EBF1: variants seen among roughly 807,000 people sequenced by gnomAD.
EBF1 encodes the protein transcription factor COE1.
EBF1 carries 10 observed loss-of-function variants against 68.4 expected under a neutral mutation model. The observed-to-expected ratio is 0.15, with a 90% CI of 0.09 to 0.25. EBF1 has a LOEUF of 0.25. EBF1 is among the 10% of genes least tolerant of loss of function. The pLI is 1.00. For synonymous variants in EBF1, 298 were observed against 299.8 expected, an observed-to-expected ratio of 0.99 and a Z score of 0.06; for missense variants, 509 against 794.4, an observed-to-expected ratio of 0.64 and a Z score of 4.32.
intron 11 of EBF1, among the ~76,000 whole-genome samples, chr5:158,728,818 G>A (rs1370160915): frequency 6.6e-6 from 1 of 152,130 alleles, no homozygotes; most frequent in Non-Finnish European, 1.5e-5. Context: ...TCCCACCTCT[G>A]CTTCCCAAAT....
chr5:158,708,803 T>C (rs1325278128), intron 14 of EBF1, among the ~76,000 whole-genome samples: 1 of 152,174 alleles, frequency 6.6e-6, no homozygotes, highest in Admixed American at 6.5e-5. Flanking sequence ...CATGCAGCAT[T>C]TGTGAAAAAT....
At chr5:158,744,881 AG>A (rs551742051) in intron 10 of EBF1, among the ~76,000 whole-genome samples, 76 of 152,270 alleles carry the variant, frequency 5.0e-4, no homozygotes, top group African/African-American at 1.8e-3. Flanking sequence ...AGTGAAGATG[AG>A]GGGATTTCCA....
chr5:158,974,657 T>C (rs1756355832), intron 6 of EBF1, among the ~76,000 whole-genome samples: 1 of 152,206 alleles, frequency 6.6e-6, no homozygotes, highest in Admixed American at 6.5e-5. Flanking sequence ...ATGTGTGTAT[T>C]ATAAAAATGT....
intron 6 of EBF1, among the ~76,000 whole-genome samples, chr5:158,851,717 A>T (rs1286733320): frequency 1.1e-5 from 1 of 91,006 alleles, no homozygotes; most frequent in Non-Finnish European, 2.3e-5. Context: ...GGTAGAAGGG[A>T]AGGAAAGAAA....
At position 159,052,221 on chromosome 5, in the gene EBF1, C is replaced by T. The variant is rs191597265; in HGVS notation, c.554+21175G>A. ...TAAGAATTCCACCAAAAAAAAAAGA[C>T]ATTGTATGCCACGTAGGTATATGTG... On this transcript the variant is annotated intron_variant, in intron 6 of 15. Coordinates refer to ENST00000313708, the MANE Select transcript of EBF1 (RefSeq NM_024007.5). 1.3e-4 allele frequency among the ~76,000 whole-genome samples: 19 copies of T among 151,794 alleles called. No homozygotes were observed. In the East Asian group the frequency reaches 3.3e-3, roughly 26 times the overall value.
intron 5 of EBF1, among the ~76,000 whole-genome samples, chr5:159,076,961 C>A (rs928385231): frequency 2.0e-5 from 3 of 152,200 alleles, no homozygotes; most frequent in Non-Finnish European, 4.4e-5. Flanking sequence ...AAATGTACAG[C>A]ATATTGTGAC....
chr5:158,775,401 C>T (rs1245792409), intron 10 of EBF1, among the ~76,000 whole-genome samples: 1 of 151,876 alleles, frequency 6.6e-6, no homozygotes, highest in Non-Finnish European at 1.5e-5. Flanking sequence ...CAAAATGGAA[C>T]CATTAATGGG....
intron 5 of EBF1, among the ~76,000 whole-genome samples, chr5:159,083,358 ATATCT>A (rs369316622): frequency 2.8e-4 from 42 of 152,312 alleles, no homozygotes; most frequent in Admixed American, 1.6e-3. Flanking sequence ...TTGCCTAATA[ATATCT>A]TATAAAGAAA....
At chr5:159,083,798 C>T (rs1014687645) in intron 5 of EBF1, among the ~76,000 whole-genome samples, 1 of 152,176 alleles carries the variant, frequency 6.6e-6, no homozygotes, top group Non-Finnish European at 1.5e-5. Context: ...CAATTAGTAG[C>T]CTTTCTCTGA....
At chr5:158,778,088 C>T (rs1775673457) in intron 9 of EBF1, among the ~76,000 whole-genome samples, 1 of 152,022 alleles carries the variant, frequency 6.6e-6, no homozygotes, top group Non-Finnish European at 1.5e-5. Context: ...CCTGGAATAG[C>T]TTATGGATCT....
chr5:159,046,447 G>A (rs546592847), intron 6 of EBF1, among the ~76,000 whole-genome samples: 15 of 152,286 alleles, frequency 9.8e-5, no homozygotes, highest in East Asian at 9.6e-4. Flanking sequence ...TAACATAAGC[G>A]GAATGTGTAA....
chr5:158,940,800 A>G (rs1813178042), intron 6 of EBF1, among the ~76,000 whole-genome samples: 1 of 97,152 alleles, frequency 1.0e-5, no homozygotes, highest in Admixed American at 1.4e-4. Context: ...TGGAGGATGG[A>G]CTCCAATGGA....
intron 11 of EBF1, among the ~76,000 whole-genome samples, chr5:158,714,634 G>A (rs1467487977): frequency 6.6e-6 from 1 of 152,116 alleles, no homozygotes; most frequent in Non-Finnish European, 1.5e-5. Context: ...CTAGAAGCAT[G>A]TAGTATTAAA....
intron 7 of EBF1, among the ~76,000 whole-genome samples, chr5:158,837,074 G>A (rs889976649): frequency 2.0e-5 from 3 of 152,218 alleles, no homozygotes; most frequent in Non-Finnish European, 4.4e-5. Context: ...CTTGTCAGCG[G>A]TTATCAGATA....
intron 6 of EBF1, among the ~76,000 whole-genome samples, chr5:158,916,928 G>A (rs945958151): frequency 6.6e-6 from 1 of 152,136 alleles, no homozygotes; most frequent in African/African-American, 2.4e-5. Flanking sequence ...AATGTGTGCC[G>A]CAAGCAAGAC....
intron 1 of EBF1, among the ~76,000 whole-genome samples, chr5:159,097,917 A>G (rs749043033): frequency 4.5e-4 from 68 of 152,104 alleles, no homozygotes; most frequent in Non-Finnish European, 7.6e-4. Flanking sequence ...CCTGCCCAAC[A>G]CAAGCGCGCA....
At chr5:158,882,681 A>G (rs1161063495) in intron 6 of EBF1, among the ~76,000 whole-genome samples, 2 of 152,216 alleles carry the variant, frequency 1.3e-5, no homozygotes, top group Non-Finnish European at 2.9e-5. Flanking sequence ...ATGGTCAACA[A>G]CTCAGTAATT....
At chr5:158,936,778 C>T (rs1812107506) in intron 6 of EBF1, among the ~76,000 whole-genome samples, 1 of 152,148 alleles carries the variant, frequency 6.6e-6, no homozygotes, top group African/African-American at 2.4e-5. Flanking sequence ...GTTGATCTTC[C>T]ACTTCCCCCA....
intron 6 of EBF1, among the ~76,000 whole-genome samples, chr5:158,865,044 C>G (rs1299877524): frequency 6.6e-6 from 1 of 152,170 alleles, no homozygotes; most frequent in Non-Finnish European, 1.5e-5. Context: ...CAGATAGCAG[C>G]ATTACATCTC....
Sources: gnomAD v4.1 joint callset for allele counts (sites outside exome capture counted in the v4.1 genomes callset) on GRCh38, gnomAD v4.1.1 for gene constraint, MANE v1.5 for transcripts, NCBI Gene and HGNC (gene_info 2026-07-23, HGNC 2026-07-21) for gene names.